The following FAT3 variants were observed in gnomAD, a reference collection of about 807,000 sequenced individuals.
FAT3 encodes the protein FAT atypical cadherin 3.
FAT3 carries 95 observed loss-of-function variants against 310.2 expected under a neutral mutation model. The observed-to-expected ratio is 0.31, with a 90% CI of 0.26 to 0.36. FAT3 has a LOEUF of 0.36. Ranked by LOEUF, FAT3 falls within the 10% of genes least tolerant of loss-of-function variation. The probability of loss-of-function intolerance (pLI) is 1.00; values close to 1 mark genes in which losing one functional copy is unlikely to be tolerated. For missense variants in FAT3, 5,408 were observed against 5,715.6 expected (o/e 0.95, Z 1.74); for synonymous variants, 2,314 against 2,192.9 (o/e 1.06, Z -1.54).
Position 92,775,201 on chromosome 11 carries a change from T to C in FAT3, c.4335+1021T>C, listed in dbSNP as rs115533684. 3.4e-3 allele frequency among the ~76,000 whole-genome samples: 524 copies of C among 152,270 alleles called. 2 individuals are homozygous for C. Among genetic ancestry groups the C allele is most frequent in the African/African-American group, 0.012 (490 of 41,548 alleles). On this transcript the variant is annotated intron_variant, in intron 7 of 27. Transcript: ENST00000525166. Reference sequence around the variant, plus strand: ...AGTGCTTCAGGTGGTGAAGGTGAAATTTTTGCCAACCCTGAAGCAAGCAAG... The same window carrying C: ...AGTGCTTCAGGTGGTGAAGGTGAAACTTTTGCCAACCCTGAAGCAAGCAAG...
Position 92,588,963 on chromosome 11 carries a change from C to G in FAT3, c.3607+64015C>G, listed in dbSNP as rs969675725. Among the ~76,000 whole-genome samples, 6 of 148,152 alleles carry G rather than the reference C, an allele frequency of 4.0e-5. 1 individual carries two copies. The highest frequency in any genetic ancestry group is 1.3e-4 in the African/African-American group (5 of 38,986). Reference sequence around the variant, plus strand: ...CCAAAATGCAGCGGCATAATGAAGACAGACAGTTTATTTCTCATTAATGTG... The same window carrying G: ...CCAAAATGCAGCGGCATAATGAAGAGAGACAGTTTATTTCTCATTAATGTG... On this transcript the variant is annotated intron_variant, in intron 3 of 27. Coordinates refer to ENST00000525166, the MANE Select transcript of FAT3 (RefSeq NM_001367949.2).
intron 4 of FAT3, among the ~76,000 whole-genome samples, chr11:92,714,985 T>C (rs1944633952): frequency 6.6e-6 from 1 of 151,940 alleles, no homozygotes; most frequent in South Asian, 2.1e-4. Context: ...TTTAAAACAT[T>C]CCAGTAGTTT....
chr11:92,358,131 C>CA (rs756219780), intron 2 of FAT3, among the ~76,000 whole-genome samples: 1 of 151,782 alleles, frequency 6.6e-6, no homozygotes, highest in Non-Finnish European at 1.5e-5. Context: ...GAGTGGTGAC[C>CA]ACACCACTGC....
rs1949654588 is a variant in FAT3 at position 92,880,724 on chromosome 11, T to A, written c.12128-7T>A. ...TCCATGGCTCATGAGGTCCTCTGTT[T>A]CCCCAGGCTATCAGTGTACCTGTCT... On this transcript the variant is annotated splice_polypyrimidine_tract_variant and splice_region_variant and intron_variant, in intron 22 of 27. Transcript: ENST00000525166. 1 of 1,611,166 alleles carries A rather than the reference T, an allele frequency of 6.2e-7. No homozygotes were observed. Among genetic ancestry groups the A allele is most frequent in the Admixed American group, 1.7e-5 (1 of 59,658 alleles).
At chr11:92,884,220 G>A (rs773386969) in intron 24 of FAT3, among the ~76,000 whole-genome samples, 2 of 152,170 alleles carry the variant, frequency 1.3e-5, no homozygotes, top group Non-Finnish European at 2.9e-5. Flanking sequence ...ACCAGAGAAC[G>A]GATACATTTT....
chr11:92,581,657 G>A (rs895239370), intron 3 of FAT3, among the ~76,000 whole-genome samples: 1 of 152,002 alleles, frequency 6.6e-6, no homozygotes, highest in South Asian at 2.1e-4. Flanking sequence ...TCTGCCAAGG[G>A]GGGGGATTAT....
At chr11:92,283,511 TGAGCTAGCAGCTCAGTGA>T (rs1430201556) in intron 1 of FAT3, among the ~76,000 whole-genome samples, 1 of 152,216 alleles carries the variant, frequency 6.6e-6, no homozygotes, top group Admixed American at 6.5e-5. Flanking sequence ...CAGAGACTTT[TGAGCTAGCAGCTCAGTGA>T]ATGCCCAAAG....
chr11:92,654,692 G>T (rs1435414880), intron 3 of FAT3, among the ~76,000 whole-genome samples: 1 of 152,060 alleles, frequency 6.6e-6, no homozygotes, highest in African/African-American at 2.4e-5. Context: ...TGAAACCCTG[G>T]CACAACTATC....
intron 2 of FAT3, among the ~76,000 whole-genome samples, chr11:92,409,379 G>A (rs545759657): frequency 3.9e-5 from 6 of 152,178 alleles, no homozygotes; most frequent in Non-Finnish European, 7.4e-5. Flanking sequence ...ATGTCATCCT[G>A]TGTCGTTCCA....
chr11:92,261,820 A>G (rs1244492056), intron 1 of FAT3, among the ~76,000 whole-genome samples: 1 of 152,172 alleles, frequency 6.6e-6, no homozygotes, highest in East Asian at 1.9e-4. Context: ...TCTTTAACCT[A>G]TTCATGCTGG....
At chr11:92,681,976 C>T (rs1565509349) in intron 3 of FAT3, among the ~76,000 whole-genome samples, 1 of 152,178 alleles carries the variant, frequency 6.6e-6, no homozygotes, top group Non-Finnish European at 1.5e-5. Context: ...GAAACCATCC[C>T]TGTGCACTTT....
chr11:92,466,741 C>A (rs1177377486), intron 2 of FAT3, among the ~76,000 whole-genome samples: 12 of 107,788 alleles, frequency 1.1e-4, no homozygotes, highest in Non-Finnish European at 1.9e-4. Context: ...CCTCCCCCCA[C>A]CCCACAACAG....
At chr11:92,244,577 G>T (rs1295393737) in intron 1 of FAT3, among the ~76,000 whole-genome samples, 1 of 152,122 alleles carries the variant, frequency 6.6e-6, no homozygotes, top group African/African-American at 2.4e-5. Flanking sequence ...TGCATCGGTG[G>T]TACCTAAAGT....
intron 18 of FAT3, among the ~76,000 whole-genome samples, chr11:92,841,257 G>C (rs1948542013): frequency 6.6e-6 from 1 of 152,100 alleles, no homozygotes; most frequent in Non-Finnish European, 1.5e-5. Context: ...AGGCAAACGT[G>C]GCAGGTATGC....
chr11:92,673,435 A>G (rs1490044591), intron 3 of FAT3, among the ~76,000 whole-genome samples: 2 of 152,158 alleles, frequency 1.3e-5, no homozygotes, highest in African/African-American at 4.8e-5. Context: ...TAGATAACTC[A>G]TGGTAGAGTT....
intron 2 of FAT3, among the ~76,000 whole-genome samples, chr11:92,358,394 CCCTTT>C (rs995413117): frequency 1.3e-5 from 2 of 152,032 alleles, no homozygotes; most frequent in Non-Finnish European, 2.9e-5. Context: ...TAATCCATTG[CCCTTT>C]CCTTTCAATT....
At chr11:92,446,926 T>C (rs1435734328) in intron 2 of FAT3, among the ~76,000 whole-genome samples, 1 of 152,164 alleles carries the variant, frequency 6.6e-6, no homozygotes. Context: ...GTTGATAGAT[T>C]TGAACTTGCA....
chr11:92,577,021 ATCATTCAT>A (rs61260888), intron 3 of FAT3, among the ~76,000 whole-genome samples: 111,808 of 151,034 alleles, frequency 0.74, 43,632 homozygotes, highest in Non-Finnish European at 0.88. Flanking sequence ...TAGAATTCAA[ATCATTCAT>A]TCATTCATTC....
intron 2 of FAT3, among the ~76,000 whole-genome samples, chr11:92,364,863 C>A (rs1305033582): frequency 1.3e-5 from 2 of 152,052 alleles, no homozygotes; most frequent in African/African-American, 4.8e-5. Flanking sequence ...AGTTAATATT[C>A]TAGTTGGTTT....
Sources: gnomAD v4.1 joint callset for allele counts (sites outside exome capture counted in the v4.1 genomes callset) on GRCh38, gnomAD v4.1.1 for gene constraint, MANE v1.5 for transcripts, NCBI Gene and HGNC (gene_info 2026-07-23, HGNC 2026-07-21) for gene names.